Variants in GRIP1 observed in about 807,000 individuals in gnomAD.
GRIP1 encodes the protein glutamate receptor-interacting protein 1.
In GRIP1, 45 loss-of-function variants were observed where a neutral mutation model predicts 129.9. That is an observed-to-expected ratio of 0.35 (90% CI 0.27 to 0.44). The LOEUF is 0.44. Ranked by LOEUF, GRIP1 falls within the 20% of genes least tolerant of loss-of-function variation. The pLI is 1.00. For synonymous variants in GRIP1, 530 were observed against 520.8 expected (o/e 1.02, Z -0.24); for missense variants, 1,196 against 1,396.8 (o/e 0.86, Z 2.29).
chr12:66,578,014 C>T (rs2063201674), intron 2 of GRIP1, among the ~76,000 whole-genome samples: 1 of 151,978 alleles, frequency 6.6e-6, no homozygotes, highest in Admixed American at 6.6e-5. Flanking sequence ...GGGACTATAA[C>T]CTTAAATTAA....
chr12:66,858,317 G>A (rs2040042658), intron 1 of GRIP1, among the ~76,000 whole-genome samples: 1 of 151,674 alleles, frequency 6.6e-6, no homozygotes, highest in African/African-American at 2.4e-5. Flanking sequence ...CTGCTTCTTT[G>A]CAAGAATTTA....
intron 1 of GRIP1, among the ~76,000 whole-genome samples, chr12:66,839,620 T>C (rs973883462): frequency 1.3e-5 from 2 of 151,792 alleles, no homozygotes; most frequent in African/African-American, 2.4e-5. Flanking sequence ...AAGAAAGATA[T>C]CCCCAAAGGG....
At chr12:66,820,159 C>A (rs2136981300) in intron 1 of GRIP1, among the ~76,000 whole-genome samples, 1 of 152,210 alleles carries the variant, frequency 6.6e-6, no homozygotes, top group East Asian at 1.9e-4. Context: ...GCCTGTAATC[C>A]CAGCACTTTG....
chr12:66,638,528 T>C (rs922887335), intron 1 of GRIP1, among the ~76,000 whole-genome samples: 1 of 152,206 alleles, frequency 6.6e-6, no homozygotes, highest in Non-Finnish European at 1.5e-5. Context: ...TTTTTTATAA[T>C]GACAGACAAA....
chr12:66,708,904 T>A (rs1379963481), intron 1 of GRIP1, among the ~76,000 whole-genome samples: 1 of 151,852 alleles, frequency 6.6e-6, no homozygotes, highest in East Asian at 1.9e-4. Flanking sequence ...AAAAAAAATT[T>A]TTGTCAAGAA....
upstream of GRIP1, among the ~76,000 whole-genome samples, chr12:66,808,751 T>C (rs2039046851): frequency 6.6e-6 from 1 of 152,202 alleles, no homozygotes; most frequent in Admixed American, 6.5e-5. Flanking sequence ...GAGTGGTGGC[T>C]GCCTGCCACC....
At position 66,863,152 on chromosome 12, in the gene GRIP1, A is replaced by G. The variant is rs537746825; in HGVS notation, c.58+205898T>C. 3.3e-5 allele frequency among the ~76,000 whole-genome samples: 5 copies of G among 152,244 alleles called. 1 individual carries two copies. In the South Asian group the frequency reaches 1.0e-3, roughly 32 times the overall value. ...GAAACTCCTTCTCTTTTTCTAAGCC[A>G]AATTACTTACGATTCCCCAAAGTGT... On this transcript the variant is annotated intron_variant, in intron 1 of 1. Transcript: ENST00000643019.
At chr12:66,768,308 C>T (rs1592826169) in intron 1 of GRIP1, among the ~76,000 whole-genome samples, 1 of 152,166 alleles carries the variant, frequency 6.6e-6, no homozygotes, top group African/African-American at 2.4e-5. Context: ...TAGCAGGCAA[C>T]CACTTTCCCA....
chr12:66,871,908 T>C (rs748089770), intron 1 of GRIP1, among the ~76,000 whole-genome samples: 6 of 152,086 alleles, frequency 3.9e-5, no homozygotes, highest in Admixed American at 6.6e-5. Flanking sequence ...GAGTACTCTA[T>C]CAGCTGACTC....
chr12:67,039,091 A>G (rs975373706), intron 1 of GRIP1, among the ~76,000 whole-genome samples: 3 of 152,154 alleles, frequency 2.0e-5, no homozygotes, highest in Admixed American at 6.6e-5. Context: ...AATGAAAAAT[A>G]CAGAGGTCCT....
At chr12:67,062,315 C>T (rs1345693305) in intron 1 of GRIP1, among the ~76,000 whole-genome samples, 1 of 152,196 alleles carries the variant, frequency 6.6e-6, no homozygotes, top group Non-Finnish European at 1.5e-5. Context: ...ATATTCTATG[C>T]TCATAAGTAT....
chr12:66,742,083 G>C (rs891769991), intron 1 of GRIP1, among the ~76,000 whole-genome samples: 9 of 152,016 alleles, frequency 5.9e-5, no homozygotes, highest in Non-Finnish European at 1.2e-4. Flanking sequence ...TTATTTCCCT[G>C]CTCTAGTATT....
At chr12:66,987,123 A>G (rs969743494) in intron 1 of GRIP1, among the ~76,000 whole-genome samples, 1 of 152,154 alleles carries the variant, frequency 6.6e-6, no homozygotes, top group Non-Finnish European at 1.5e-5. Flanking sequence ...TTTCTAGGAA[A>G]GGGTGAGGAA....
chr12:66,387,437 C>T (rs528507155), intron 19 of GRIP1, among the ~76,000 whole-genome samples: 1 of 152,296 alleles, frequency 6.6e-6, no homozygotes, highest in Non-Finnish European at 1.5e-5. Flanking sequence ...ACCTTGGAAA[C>T]AGAGCCTCTA....
intron 1 of GRIP1, among the ~76,000 whole-genome samples, chr12:66,688,553 G>T (rs1186081147): frequency 6.6e-6 from 1 of 152,096 alleles, no homozygotes; most frequent in Non-Finnish European, 1.5e-5. Context: ...TCTCACTCTT[G>T]TGCTTCTCTC....
At chr12:66,743,671 T>A (rs1278239625) in intron 1 of GRIP1, among the ~76,000 whole-genome samples, 1 of 151,728 alleles carries the variant, frequency 6.6e-6, no homozygotes, top group Non-Finnish European at 1.5e-5. Flanking sequence ...ACTGTGCAAA[T>A]CCCCAGATTA....
At chr12:66,592,520 A>G (rs766441199) in intron 2 of GRIP1, among the ~76,000 whole-genome samples, 1 of 152,214 alleles carries the variant, frequency 6.6e-6, no homozygotes, top group Non-Finnish European at 1.5e-5. Context: ...TAGAAATGTA[A>G]TAGATATGAA....
chr12:67,028,493 T>C (rs575368480), intron 1 of GRIP1, among the ~76,000 whole-genome samples: 9 of 152,328 alleles, frequency 5.9e-5, no homozygotes, highest in African/African-American at 1.9e-4. Flanking sequence ...TGTGAAAAGA[T>C]TGCTGGAAAA....
rs1015043756 is a variant in GRIP1 at position 66,348,696 on chromosome 12, T to A, written c.*323A>T. On this transcript the variant is annotated 3_prime_UTR_variant, in exon 25 of 25. Transcript: ENST00000359742. ...GAATATTTTCAAACAGATGTTTCTC[T>A]TTTTAAAAAGTGATAGTAAGATGAA... The A allele has an allele frequency of 3.2e-6, 1 of 308,596 alleles. No individual in the cohort carries two copies. Among genetic ancestry groups the A allele is most frequent in the Non-Finnish European group, 6.1e-6 (1 of 164,924 alleles). 19.1% of individuals were successfully genotyped at this position (308,596 alleles called of 1,614,324 possible).
Sources: allele counts gnomAD v4.1 joint callset (sites outside exome capture counted in the v4.1 genomes callset), GRCh38; gene constraint gnomAD v4.1.1; transcripts MANE v1.5; gene names NCBI Gene and HGNC (gene_info 2026-07-23, HGNC 2026-07-21).